Variants in DRC3 observed in about 807,000 individuals in gnomAD.
The protein encoded by DRC3 is leucine rich repeat containing 48.
Under a neutral mutation model 57.6 loss-of-function variants are expected in DRC3, and 45 were observed. That is an observed-to-expected ratio of 0.78 (90% confidence interval 0.62 to 1.00). DRC3 has a LOEUF of 1.00. Ranked by LOEUF, DRC3 falls within the 50% of genes least tolerant of loss-of-function variation. The pLI, the probability that DRC3 is intolerant of heterozygous loss-of-function variation, is 0.00. For missense variants in DRC3, 655 were observed against 675.2 expected, an observed-to-expected ratio of 0.97 and a Z score of 0.33; for synonymous variants, 257 against 272.3, an observed-to-expected ratio of 0.94 and a Z score of 0.55.
chr17:18,015,615 C>T (rs1197183216), intron 12 of DRC3: 1 of 159,056 alleles, frequency 6.3e-6, no homozygotes, highest in Admixed American at 6.1e-5. Context: ...GGGGTGAACA[C>T]CCATGAGTTT....
At chr17:17,990,585 G>A (rs1034266934) in intron 5 of DRC3, among the ~76,000 whole-genome samples, 1 of 152,236 alleles carries the variant, frequency 6.6e-6, no homozygotes, top group Non-Finnish European at 1.5e-5. Flanking sequence ...CACCTCCCCA[G>A]AGAGACCTCT....
At position 17,983,853 on chromosome 17, in the gene DRC3, G is replaced by T; in HGVS notation, c.186G>T (p.Trp62Cys). The change falls in exon 4 of 14, where the codon TGG becomes TGT. Residue 62 changes from tryptophan to cysteine, a missense_variant. Coordinates refer to ENST00000399187, the MANE Select transcript of DRC3 (RefSeq NM_031294.4). Reference sequence around the variant, plus strand: ...ACATCCTCCGCATAGACAACCTCTGGCAGTTTGAGAACTTGAGGAAGCTGC... The same window carrying T: ...ACATCCTCCGCATAGACAACCTCTGTCAGTTTGAGAACTTGAGGAAGCTGC... Reference protein sequence around the residue: ...FRNILRIDNLWQFENLRKLQL... With the variant: ...FRNILRIDNLCQFENLRKLQL... The T allele has an allele frequency of 6.2e-7, 1 of 1,613,346 alleles. No homozygotes were observed. The highest frequency in any genetic ancestry group is 8.5e-7 in the Non-Finnish European group (1 of 1,179,476).
At chr17:18,004,559 C>T in intron 10 of DRC3, 65 bp downstream of exon 10, 1 of 1,557,198 alleles carries the variant, frequency 6.4e-7, no homozygotes. Context: ...CATAGGTGAA[C>T]TGTAGCCTTC....
intron 12 of DRC3, chr17:18,007,401 C>T (rs1408214057): frequency 3.9e-6 from 6 of 1,551,306 alleles, no homozygotes; most frequent in Non-Finnish European, 5.2e-6. Flanking sequence ...CCAACAGGGT[C>T]GTTTCCAAAA....
intron 12 of DRC3, 129 bp downstream of exon 12, chr17:18,007,276 C>G: frequency 1.8e-6 from 2 of 1,085,086 alleles, no homozygotes; most frequent in South Asian, 1.4e-5. Flanking sequence ...AAAGGGCACA[C>G]TAACCTGCTT....
At chr17:17,973,418 C>T (rs944537138) in intron 1 of DRC3, among the ~76,000 whole-genome samples, 6 of 152,142 alleles carry the variant, frequency 3.9e-5, no homozygotes, top group African/African-American at 1.2e-4. Flanking sequence ...CCGTCTCTGT[C>T]AGTAACTCAT....
chr17:18,004,085 G>C (rs2043857246), intron 9 of DRC3, among the ~76,000 whole-genome samples: 1 of 152,108 alleles, frequency 6.6e-6, no homozygotes, highest in Admixed American at 6.6e-5. Flanking sequence ...AGCTTACAGG[G>C]AGTGAGCACT....
chr17:17,975,315 G>A (rs940172844), intron 2 of DRC3, among the ~76,000 whole-genome samples: 10 of 150,806 alleles, frequency 6.6e-5, no homozygotes, highest in African/African-American at 2.0e-4. Context: ...TGGTTCAAGC[G>A]ATTCTCCTGC....
chr17:18,007,033 GT>G lies in DRC3; in HGVS notation c.1213del (p.Cys405AlafsTer59). The G allele has an allele frequency of 6.2e-7, 1 of 1,612,708 alleles. No individual in the cohort carries two copies. The part of the protein sequence containing the change: ...IENVQSLMAQ[C>X]RDLENHHHEK... ...TAACTCGGGGCTGCACGATGGCTCA[GT>G]GCCGGGACCTGGAGAATCACCACCA... On this transcript the variant is annotated frameshift_variant, in exon 12 of 14. Transcript: ENST00000399187. LOFTEE classifies it high-confidence loss of function.
rs1260302158 is a variant in DRC3, at chr17:17,994,340, G to A, written c.633G>A (p.Glu211=). 1.3e-6 allele frequency: 2 copies of A among 1,554,650 alleles called. No individual in the cohort carries two copies. The highest frequency in any genetic ancestry group is 2.4e-5 in the South Asian group (2 of 84,138). Residue 211 remains glutamate (E), a synonymous_variant, in exon 7 of 14, where the codon GAG becomes GAA. Coordinates refer to ENST00000399187, the MANE Select transcript of DRC3 (RefSeq NM_031294.4). The part of the protein sequence containing the change: ...AEAKHQYSID[E]LKHQENLMQA... ...CTAAGCACCAGTACAGCATCGACGAGCTGAAGCACCAGGAGAACCTGATGC... is the reference window on the plus strand; with the variant it reads ...CTAAGCACCAGTACAGCATCGACGAACTGAAGCACCAGGAGAACCTGATGC...
rs1003500006 is a variant in DRC3 at position 18,008,669 on chromosome 17, G to A, written c.1326+1522G>A. ...ATAGCAGTGTGGTGATAGGGTCACC[G>A]TGACACCAGCCTTCCCTCCCTAAGC... is the stretch of plus-strand genomic sequence containing the variant. On this transcript the variant is annotated intron_variant, in intron 12 of 13. Transcript: ENST00000399187. This position sits in a 1 kb window ranked among gnomAD's most constrained non-coding sequence, Gnocchi z 4.3. Among the ~76,000 whole-genome samples, 5 of 152,212 alleles carry A rather than the reference G, an allele frequency of 3.3e-5. No homozygotes were observed. Among genetic ancestry groups the A allele is most frequent in the Non-Finnish European group, 7.4e-5 (5 of 68,024 alleles).
rs772225943 is a variant in DRC3, at chr17:17,997,526, G to A, written c.891G>A (p.Lys297=). 9 of 1,611,826 alleles carry A rather than the reference G, an allele frequency of 5.6e-6. No homozygotes were observed. In the South Asian group the frequency reaches 7.7e-5, roughly 14 times the overall value. Residue 297 remains lysine (K), a synonymous_variant, in exon 9 of 14, where the codon AAG becomes AAA. Coordinates refer to ENST00000399187, the MANE Select transcript of DRC3 (RefSeq NM_031294.4). Reference sequence around the variant, plus strand: ...AGTATGGCCTGAAACAGCAGGAGAAGCGGAAAACAGAGCTTGACACCTTCA... The same window carrying A: ...AGTATGGCCTGAAACAGCAGGAGAAACGGAAAACAGAGCTTGACACCTTCA... ...IFEYGLKQQE[K]RKTELDTFSE... is the part of the protein sequence containing the mutation.
intron 11 of DRC3, 46 bp downstream of exon 11, chr17:18,006,299 C>G (rs2043949058): frequency 1.4e-6 from 2 of 1,409,778 alleles, no homozygotes; most frequent in Non-Finnish European, 1.0e-6. Context: ...TGCTACAGAG[C>G]CCCTGGGCTT....
intron 5 of DRC3, among the ~76,000 whole-genome samples, chr17:17,991,321 C>T (rs1461952957): frequency 7.2e-5 from 8 of 110,958 alleles, no homozygotes; most frequent in Non-Finnish European, 1.3e-4. Flanking sequence ...GAAGGAGTCT[C>T]GCCCTGTCAC....
chr17:17,988,422 AAC>A (rs1459353015), intron 5 of DRC3: 1 of 299,736 alleles, frequency 3.3e-6, no homozygotes, highest in Non-Finnish European at 6.4e-6. Context: ...GCTCACTGGG[AAC>A]AGAGACAGAC....
At chr17:17,995,921 A>C (rs1385389957) in intron 8 of DRC3, among the ~76,000 whole-genome samples, 1 of 152,260 alleles carries the variant, frequency 6.6e-6, no homozygotes, top group Non-Finnish European at 1.5e-5. Flanking sequence ...TAGGCTAGGC[A>C]ATGTAGTGAG....
intron 9 of DRC3, among the ~76,000 whole-genome samples, chr17:18,002,894 G>A (rs931493835): frequency 1.3e-5 from 2 of 152,112 alleles, no homozygotes; most frequent in African/African-American, 4.8e-5. Context: ...TCACTGACTG[G>A]GACCAAGAAT....
At chr17:18,007,568 C>A in intron 12 of DRC3, 1 of 1,489,696 alleles carries the variant, frequency 6.7e-7, no homozygotes, top group South Asian at 1.3e-5. Context: ...CTGCACAATG[C>A]CATCCGGTTT....
chr17:17,982,795 C>T (rs1188803075), intron 3 of DRC3, among the ~76,000 whole-genome samples: 2 of 151,708 alleles, frequency 1.3e-5, no homozygotes, highest in African/African-American at 2.4e-5. Context: ...AGGATGGTCT[C>T]GATCTCTTGA....
Sources: allele counts gnomAD v4.1 joint callset (sites outside exome capture counted in the v4.1 genomes callset), GRCh38; gene constraint gnomAD v4.1.1; non-coding constraint Gnocchi (gnomAD v3.1); transcripts MANE v1.5; gene names NCBI Gene and HGNC (gene_info 2026-07-23, HGNC 2026-07-21).